Variants in SLC25A28 observed in about 807,000 individuals in gnomAD.
SLC25A28 encodes mitoferrin-2.
Under a neutral mutation model 31.9 loss-of-function variants are expected in SLC25A28, and 10 were observed. The ratio of observed to expected loss-of-function variants is 0.31; its 90% confidence interval spans 0.19 to 0.53. SLC25A28 has a LOEUF of 0.53. Among genes scored for constraint, SLC25A28 ranks in the 20% least tolerant of loss-of-function variants. The pLI, the probability that SLC25A28 is intolerant of heterozygous loss-of-function variation, is 0.95. For missense variants in SLC25A28, 256 were observed against 490.3 expected, an observed-to-expected ratio of 0.52 and a Z score of 4.51; for synonymous variants, 208 against 203.6, an observed-to-expected ratio of 1.02 and a Z score of -0.19.
chr10:99,652,710 T>TA, the SLC25A28 span, among the ~76,000 whole-genome samples: 7 of 152,152 alleles, frequency 4.6e-5, no homozygotes, highest in African/African-American at 1.7e-4. Context: ...TACGGGCTTT[T>TA]AGAATTTGCC....
At chr10:99,643,713 A>G in the SLC25A28 span, among the ~76,000 whole-genome samples, 50 of 152,192 alleles carry the variant, frequency 3.3e-4, no homozygotes, top group African/African-American at 1.2e-3. Flanking sequence ...AATGCTATAA[A>G]TTTCCCTCTA....
chr10:99,613,795 C>A lies in SLC25A28; in HGVS notation c.421G>T (p.Ala141Ser). Residue 141 changes from alanine to serine, a missense_variant, in exon 2 of 4, where the codon GCA (alanine) becomes TCA (serine). Transcript: ENST00000370495. The surrounding 1 kb of genome is among the most constrained non-coding windows in gnomAD (Gnocchi z 4.9). ...AAATAAAGGGCGTGGGCAGGCCCTG[C>A]GCCTGTTGCTGTGACGTTCAGCCCC... ...MRGLNVTATG[A>S]GPAHALYFAC... 1 of 1,614,224 alleles carries A rather than the reference C, an allele frequency of 6.2e-7. No individual in the cohort carries two copies. Among genetic ancestry groups the A allele is most frequent in the Non-Finnish European group, 8.5e-7 (1 of 1,180,042 alleles).
At chr10:99,654,609 T>C in the SLC25A28 span, among the ~76,000 whole-genome samples, 1 of 151,862 alleles carries the variant, frequency 6.6e-6, no homozygotes, top group Non-Finnish European at 1.5e-5. Flanking sequence ...TCAGCCGAGA[T>C]TGCACCACCA....
intron 1 of SLC25A28, chr10:99,616,684 C>A (rs1413868846): frequency 7.1e-6 from 7 of 985,272 alleles, no homozygotes; most frequent in Non-Finnish European, 1.2e-6. Context: ...CTGTGAAATT[C>A]TGTGCCTTGC....
the SLC25A28 span, among the ~76,000 whole-genome samples, chr10:99,629,909 C>A: frequency 6.6e-6 from 1 of 152,172 alleles, no homozygotes; most frequent in Non-Finnish European, 1.5e-5. Context: ...CACAGTGGCT[C>A]ACGCCTGTAA....
chr10:99,642,777 G>A, the SLC25A28 span, among the ~76,000 whole-genome samples: 1 of 152,106 alleles, frequency 6.6e-6, no homozygotes, highest in East Asian at 1.9e-4. Flanking sequence ...TAGCATGAAG[G>A]GCTGTTGAAT....
chr10:99,615,314 C>T, intron 1 of SLC25A28: 1 of 764,718 alleles, frequency 1.3e-6, no homozygotes, highest in Non-Finnish European at 1.6e-6. Context: ...CTGGTTTGAG[C>T]CACTGCACGG....
the SLC25A28 span, among the ~76,000 whole-genome samples, chr10:99,639,298 C>T: frequency 6.6e-6 from 1 of 151,446 alleles, no homozygotes; most frequent in East Asian, 2.0e-4. Flanking sequence ...GGATGCAAAG[C>T]CATAAGAATG....
At chr10:99,638,752 G>C in the SLC25A28 span, among the ~76,000 whole-genome samples, 1 of 152,160 alleles carries the variant, frequency 6.6e-6, no homozygotes, top group South Asian at 2.1e-4. Context: ...CCTTACTCCT[G>C]CATGAATGGC....
upstream of SLC25A28, chr10:99,620,698 G>A: frequency 1.0e-6 from 1 of 986,142 alleles, no homozygotes; most frequent in Non-Finnish European, 1.2e-6. Context: ...TTTTAGAAGG[G>A]CGGGAGAAAC....
rs17494319 is a variant in SLC25A28, at chr10:99,613,972, C to T, written c.292-48G>A. 317,420 of 1,515,742 alleles carry T rather than the reference C, an allele frequency of 0.21. 35,269 individuals carry two copies. The highest frequency in any genetic ancestry group is 0.33 in the Middle Eastern group (1,714 of 5,240). 93.9% of individuals were successfully genotyped at this position (1,515,742 alleles called of 1,614,324 possible). A position where few individuals can be genotyped will look rare whatever the true frequency, so the allele number is the denominator to read the frequency against. ...CGCAATGTCAGCAATGCCAACTTCT[C>T]GCCCCACCTCAACACACTGGGCAGA... On this transcript the variant is annotated intron_variant, in intron 1 of 3. Coordinates refer to ENST00000370495, the MANE Select transcript of SLC25A28 (RefSeq NM_031212.4). The surrounding 1 kb of genome is among the most constrained non-coding windows in gnomAD (Gnocchi z 4.9).
At chr10:99,619,132 C>G in intron 1 of SLC25A28, 8 of 985,392 alleles carry the variant, frequency 8.1e-6, no homozygotes, top group Non-Finnish European at 9.6e-6. Context: ...TTCAGAAGGA[C>G]CTGACTTCAG....
chr10:99,642,333 T>C, the SLC25A28 span, among the ~76,000 whole-genome samples: 4 of 152,274 alleles, frequency 2.6e-5, no homozygotes, highest in East Asian at 5.8e-4. Context: ...GAAGCAATTG[T>C]GTATGGTAGT....
the SLC25A28 span, among the ~76,000 whole-genome samples, chr10:99,651,594 C>CTTTTTTTTTTTTTTTTTT: frequency 2.4e-4 from 26 of 110,184 alleles, 1 homozygote; most frequent in South Asian, 3.3e-4. Flanking sequence ...TTTTTCTTTT[C>CTTTTTTTTTTTTTTTTTT]TTTTTTTTTT....
At position 99,614,371 on chromosome 10, in the gene SLC25A28, G is replaced by T. The variant is rs113698719; in HGVS notation, c.292-447C>A. ...TGGCCCTGCTTCATGACCACACACT[G>T]AGGGGCGGCTAATTTTTTTATACTT... On this transcript the variant is annotated intron_variant, in intron 1 of 3. Coordinates refer to ENST00000370495, the MANE Select transcript of SLC25A28 (RefSeq NM_031212.4). 2.3e-3 allele frequency among the ~76,000 whole-genome samples: 354 copies of T among 152,338 alleles called. 1 individual carries two copies. Among genetic ancestry groups the T allele is most frequent in the African/African-American group, 8.2e-3 (340 of 41,576 alleles).
chr10:99,611,170 C>T lies in SLC25A28; in HGVS notation c.774G>A (p.Arg258=), dbSNP rs2034514168. 6.2e-7 allele frequency: 1 copy of T among 1,614,122 alleles called. No individual in the cohort carries two copies. The highest frequency in any genetic ancestry group is 8.5e-7 in the Non-Finnish European group (1 of 1,180,034). Residue 258 remains arginine, a synonymous_variant, in exon 4 of 4, where the codon CGG becomes CGA. Transcript: ENST00000370495. The surrounding 1 kb of genome is among the most constrained non-coding windows in gnomAD (Gnocchi z 5.5). ...FLQEHFNPQR[R]YNPSSHVLSG... ...AGAGGACGTGGGAGCTTGGGTTGTA[C>T]CGTCTCTGGGGGTTAAAGTGCTCCT... is the stretch of plus-strand genomic sequence containing the variant.
At chr10:99,649,968 C>A in the SLC25A28 span, among the ~76,000 whole-genome samples, 1 of 152,000 alleles carries the variant, frequency 6.6e-6, no homozygotes, top group Non-Finnish European at 1.5e-5. Flanking sequence ...TATATCTTTT[C>A]TTCTGCTAAC....
intron 1 of SLC25A28, chr10:99,616,448 A>G: frequency 2.0e-6 from 2 of 979,326 alleles, no homozygotes; most frequent in Non-Finnish European, 2.4e-6. Flanking sequence ...ATTGTATTCA[A>G]AATGATTCTA....
At chr10:99,636,274 C>T in the SLC25A28 span, among the ~76,000 whole-genome samples, 2 of 152,184 alleles carry the variant, frequency 1.3e-5, no homozygotes, top group Non-Finnish European at 2.9e-5. Flanking sequence ...ATCAATCACT[C>T]TCTCAGATTA....
Sources: allele counts gnomAD v4.1 joint callset (sites outside exome capture counted in the v4.1 genomes callset), GRCh38; gene constraint gnomAD v4.1.1; non-coding constraint Gnocchi (gnomAD v3.1); transcripts MANE v1.5; gene names NCBI Gene and HGNC (gene_info 2026-07-23, HGNC 2026-07-21).